MAF: variants seen among roughly 807,000 people sequenced by gnomAD.
The protein encoded by MAF is transcription factor Maf.
A neutral mutation model predicts 22.0 loss-of-function variants in MAF; 10 were observed. That is an observed-to-expected ratio of 0.45 (90% CI 0.28 to 0.77). The LOEUF is 0.77. Among genes scored for constraint, MAF ranks in the 30% least tolerant of loss-of-function variants. MAF has a pLI of 0.12. For missense variants in MAF, 544 were observed against 548.4 expected, an observed-to-expected ratio of 0.99 and a Z score of 0.08; for synonymous variants, 337 against 255.8, an observed-to-expected ratio of 1.32 and a Z score of -3.03.
At chr16:79,240,855 AG>A in the MAF span, among the ~76,000 whole-genome samples, 1 of 152,064 alleles carries the variant, frequency 6.6e-6, no homozygotes, top group African/African-American at 2.4e-5. Flanking sequence ...AGAAACAGGC[AG>A]CCATCTTTGC....
the MAF span, among the ~76,000 whole-genome samples, chr16:79,489,605 C>A: frequency 4.7e-4 from 71 of 152,302 alleles, 2 homozygotes; most frequent in African/African-American, 1.6e-3. Flanking sequence ...GGAAACATCT[C>A]AGACTGAAAG....
chr16:79,595,629 A>T (rs1311322781), intron 1 of MAF: 65 of 1,057,802 alleles, frequency 6.1e-5, no homozygotes, highest in Non-Finnish European at 4.3e-5. Flanking sequence ...GGTAGTTTTG[A>T]GTCTTTCCAA....
At chr16:79,498,692 G>T in the MAF span, among the ~76,000 whole-genome samples, 2 of 152,318 alleles carry the variant, frequency 1.3e-5, no homozygotes, top group East Asian at 3.9e-4. Flanking sequence ...CTGGTTAGTG[G>T]AAGAGCTGGG....
chr16:79,563,374 G>A, the MAF span, among the ~76,000 whole-genome samples: 1 of 152,032 alleles, frequency 6.6e-6, no homozygotes, highest in Non-Finnish European at 1.5e-5. Context: ...TTTAAAAACT[G>A]AAGCAGTGAA....
At chr16:79,258,057 G>A in the MAF span, among the ~76,000 whole-genome samples, 2,456 of 152,266 alleles carry the variant, frequency 0.016, 34 homozygotes, top group Non-Finnish European at 0.017. Flanking sequence ...ATAACATCGC[G>A]TCTCAGCTGC....
At chr16:79,535,586 C>CTTTTT in the MAF span, among the ~76,000 whole-genome samples, 25 of 130,546 alleles carry the variant, frequency 1.9e-4, 4 homozygotes, top group East Asian at 4.4e-4. Flanking sequence ...ATTGCTTCTT[C>CTTTTT]TTTTTTTTTT....
At chr16:79,258,574 T>C in the MAF span, among the ~76,000 whole-genome samples, 6 of 152,198 alleles carry the variant, frequency 3.9e-5, no homozygotes, top group Non-Finnish European at 8.8e-5. Flanking sequence ...TGATGGGCAT[T>C]TGTGGGCACT....
chr16:79,535,723 G>A, the MAF span, among the ~76,000 whole-genome samples: 1 of 151,220 alleles, frequency 6.6e-6, no homozygotes, highest in Non-Finnish European at 1.5e-5. Context: ...TCAGCCTCCT[G>A]AGTAGCTGGG....
chr16:79,481,184 T>C, the MAF span, among the ~76,000 whole-genome samples: 1 of 151,218 alleles, frequency 6.6e-6, no homozygotes, highest in South Asian at 2.1e-4. Flanking sequence ...CCCAAATCTC[T>C]CCAGGACGGG....
chr16:79,583,948 T>C (rs1168400556), downstream of MAF, among the ~76,000 whole-genome samples: 1 of 152,214 alleles, frequency 6.6e-6, no homozygotes, highest in Non-Finnish European at 1.5e-5. Context: ...GCATGTTGGT[T>C]GATGTGCGTA....
the MAF span, among the ~76,000 whole-genome samples, chr16:79,247,440 T>C: frequency 6.6e-6 from 1 of 152,182 alleles, no homozygotes; most frequent in African/African-American, 2.4e-5. Flanking sequence ...CACTGCAAAC[T>C]TGCTTCCCCC....
At chr16:79,491,636 C>G in the MAF span, among the ~76,000 whole-genome samples, 4 of 152,122 alleles carry the variant, frequency 2.6e-5, no homozygotes, top group African/African-American at 9.7e-5. Flanking sequence ...CCCAGAATGC[C>G]CAGCGACTAA....
chr16:79,547,549 A>G, the MAF span, among the ~76,000 whole-genome samples: 1 of 152,298 alleles, frequency 6.6e-6, no homozygotes, highest in South Asian at 2.1e-4. Flanking sequence ...CCTTTGTAGA[A>G]ACCCCTAAAA....
the MAF span, among the ~76,000 whole-genome samples, chr16:79,318,118 C>T: frequency 6.6e-6 from 1 of 152,198 alleles, no homozygotes; most frequent in Non-Finnish European, 1.5e-5. Context: ...TGTGAGAAAT[C>T]TCTCTTTTGT....
At chr16:79,485,503 C>T in the MAF span, among the ~76,000 whole-genome samples, 1 of 152,148 alleles carries the variant, frequency 6.6e-6, no homozygotes, top group Non-Finnish European at 1.5e-5. Context: ...TTCTGATAAC[C>T]GTCTCTGAGC....
At chr16:79,226,160 A>G in the MAF span, among the ~76,000 whole-genome samples, 3 of 152,256 alleles carry the variant, frequency 2.0e-5, no homozygotes, top group Admixed American at 6.5e-5. Context: ...CTGGATAAAG[A>G]AAATGTGGCA....
the MAF span, among the ~76,000 whole-genome samples, chr16:79,533,477 C>A: frequency 5.3e-5 from 8 of 152,154 alleles, no homozygotes; most frequent in African/African-American, 9.7e-5. Context: ...TTCACAACCA[C>A]TGGAATCTTA....
At chr16:79,586,987 A>G (rs2143702268) in intron 1 of MAF, among the ~76,000 whole-genome samples, 1 of 152,370 alleles carries the variant, frequency 6.6e-6, no homozygotes, top group South Asian at 2.1e-4. Flanking sequence ...GCGAACAAAT[A>G]TGAGCTATGC....
At chr16:79,356,256 CACACATGCG>C in the MAF span, among the ~76,000 whole-genome samples, 1 of 152,146 alleles carries the variant, frequency 6.6e-6, no homozygotes, top group African/African-American at 2.4e-5. Flanking sequence ...ACCCTGCCAT[CACACATGCG>C]ACACAGCTCT....
Sources: allele counts gnomAD v4.1 joint callset (sites outside exome capture counted in the v4.1 genomes callset), GRCh38; gene constraint gnomAD v4.1.1; transcripts MANE v1.5; gene names NCBI Gene and HGNC (gene_info 2026-07-23, HGNC 2026-07-21).